KPNA6: variants seen among roughly 807,000 people sequenced by gnomAD.
KPNA6 encodes karyopherin subunit alpha 6.
A neutral mutation model predicts 72.0 loss-of-function variants in KPNA6; 9 were observed. That is an observed-to-expected ratio of 0.13 (90% CI 0.08 to 0.22). KPNA6 has a LOEUF of 0.22. KPNA6 is among the 10% of genes least tolerant of loss of function. KPNA6 has a pLI of 1.00. For synonymous variants in KPNA6, 219 were observed against 242.1 expected (o/e 0.90, Z 0.89); for missense variants, 374 against 655.7 (o/e 0.57, Z 4.69).
chr1:32,153,116 G>A lies in KPNA6; in HGVS notation c.5-1472G>A, dbSNP rs1642066689. Among the ~76,000 whole-genome samples, 3 of 150,720 alleles carry A rather than the reference G, an allele frequency of 2.0e-5. No homozygotes were observed. The South Asian group carries it at 6.3e-4, about 32-fold the overall frequency. ...GTAGAAAGGGGATAGAAATCATATA[G>A]TAGAGAAGACTCAATGAAGCTAAAA... is the stretch of plus-strand genomic sequence containing the variant. On this transcript the variant is annotated intron_variant, in intron 1 of 13. Coordinates refer to ENST00000373625, the MANE Select transcript of KPNA6 (RefSeq NM_012316.5).
intron 5 of KPNA6, 137 bp downstream of exon 5, chr1:32,158,498 G>A (rs2124070798): frequency 3.6e-6 from 2 of 562,574 alleles, no homozygotes; most frequent in Admixed American, 3.3e-5. Flanking sequence ...GGAGAATGGG[G>A]TATCCATTTC....
intron 1 of KPNA6, among the ~76,000 whole-genome samples, chr1:32,108,864 G>A (rs1641194746): frequency 6.6e-6 from 1 of 152,194 alleles, no homozygotes; most frequent in African/African-American, 2.4e-5. Flanking sequence ...AGGGGACTCC[G>A]GCTGGCAAGG....
rs1351279793 is a variant in KPNA6 at position 32,176,343 on chromosome 1, A to G, written c.*5449A>G. ...CAAATTCATTTGCTTTTATTTTTCT[A>G]ATAACAATAAACTCTATTTTCCATG... On this transcript the variant is annotated 3_prime_UTR_variant, in exon 14 of 14. Coordinates refer to ENST00000373625, the MANE Select transcript of KPNA6 (RefSeq NM_012316.5). 6.6e-6 allele frequency: 1 copy of G among 151,988 alleles called. No individual in the cohort carries two copies. Among genetic ancestry groups the G allele is most frequent in the Non-Finnish European group, 1.5e-5 (1 of 68,034 alleles). 9.4% of individuals were successfully genotyped at this position (151,988 alleles called of 1,614,324 possible). A position where few individuals can be genotyped will look rare whatever the true frequency, so the allele number is the denominator to read the frequency against.
chr1:32,119,240 A>G (rs1239751566), intron 1 of KPNA6, among the ~76,000 whole-genome samples: 1 of 151,544 alleles, frequency 6.6e-6, no homozygotes, highest in African/African-American at 2.4e-5. Context: ...CATGTTGACC[A>G]GGCTGGTCTC....
intron 1 of KPNA6, among the ~76,000 whole-genome samples, chr1:32,118,174 T>C (rs1329655590): frequency 6.6e-6 from 1 of 152,134 alleles, no homozygotes; most frequent in East Asian, 1.9e-4. Context: ...TCCTCCCGCC[T>C]CAGCCTCCCA....
chr1:32,112,077 A>G (rs1211541830), intron 1 of KPNA6, among the ~76,000 whole-genome samples: 3 of 152,216 alleles, frequency 2.0e-5, no homozygotes, highest in Non-Finnish European at 4.4e-5. Flanking sequence ...GCATGGGCAT[A>G]TGATGCAGTT....
intron 1 of KPNA6, among the ~76,000 whole-genome samples, chr1:32,132,278 G>A (rs1204336920): frequency 2.6e-5 from 4 of 151,170 alleles, no homozygotes; most frequent in Admixed American, 2.6e-4. Flanking sequence ...GCCCAGTGGT[G>A]TCTTTTAAAG....
At chr1:32,136,555 A>G (rs776349192) in intron 1 of KPNA6, among the ~76,000 whole-genome samples, 1 of 152,178 alleles carries the variant, frequency 6.6e-6, no homozygotes, top group Non-Finnish European at 1.5e-5. Flanking sequence ...ACAATGATGG[A>G]AACCTTAGTA....
Position 32,168,379 on chromosome 1 carries a change from C to T in KPNA6, c.1244+1083C>T, listed in dbSNP as rs116959329. On this transcript the variant is annotated intron_variant, in intron 12 of 13. Coordinates refer to ENST00000373625, the MANE Select transcript of KPNA6 (RefSeq NM_012316.5). Reference sequence around the variant, plus strand: ...TAATTTTTTGTACTTTTAGTAGAAACGGGGTTTCACCATGTTAGCAGGCTG... The same window carrying T: ...TAATTTTTTGTACTTTTAGTAGAAATGGGGTTTCACCATGTTAGCAGGCTG... Among the ~76,000 whole-genome samples, 61 of 152,258 alleles carry T rather than the reference C, an allele frequency of 4.0e-4. 1 individual carries two copies. The East Asian group carries it at 0.01, about 26-fold the overall frequency.
chr1:32,132,335 G>C (rs1284502556), intron 1 of KPNA6, among the ~76,000 whole-genome samples: 1 of 152,126 alleles, frequency 6.6e-6, no homozygotes, highest in African/African-American at 2.4e-5. Context: ...ATCTCACTCT[G>C]TTGCCCAGGC....
rs1158458770 is a variant in KPNA6, at chr1:32,172,999, C to T, written c.*2105C>T. 5 of 398,126 alleles carry T rather than the reference C, an allele frequency of 1.3e-5. No individual in the cohort carries two copies. Among genetic ancestry groups the T allele is most frequent in the Admixed American group, 8.8e-5 (2 of 22,688 alleles). The allele number at this position is 398,126 out of a possible 1,614,324, so 24.7% of individuals were successfully genotyped here. On this transcript the variant is annotated 3_prime_UTR_variant, in exon 14 of 14. Transcript: ENST00000373625. ...ATTTTCTGAGGAGGATGGTTTAGGT[C>T]TGGCAATTGTCCTTGAAAAATCCCA...
chr1:32,154,475 G>A (rs958913121), intron 1 of KPNA6, 113 bp from the exon 2 acceptor site: 8 of 1,107,628 alleles, frequency 7.2e-6, no homozygotes, highest in Non-Finnish European at 9.1e-6. Flanking sequence ...CTCCCAGAGA[G>A]CTGTATTCCC....
At chr1:32,120,210 G>A (rs979352528) in intron 1 of KPNA6, among the ~76,000 whole-genome samples, 1 of 150,938 alleles carries the variant, frequency 6.6e-6, no homozygotes, top group Admixed American at 6.6e-5. Context: ...CGTAGTCTCT[G>A]TATTTTACAA....
chr1:32,138,836 A>C (rs1015693207), intron 1 of KPNA6, among the ~76,000 whole-genome samples: 3 of 152,170 alleles, frequency 2.0e-5, no homozygotes, highest in Admixed American at 2.0e-4. Flanking sequence ...TGAGTGGGTC[A>C]CTGGATTTAA....
intron 12 of KPNA6, among the ~76,000 whole-genome samples, chr1:32,167,858 A>C (rs1006814101): frequency 6.7e-6 from 1 of 148,218 alleles, no homozygotes; most frequent in Non-Finnish European, 1.5e-5. Context: ...TGTCACAAAA[A>C]AAAAAAAAAA....
Position 32,119,013 on chromosome 1 carries a change from TATATATATATA to T in KPNA6, c.4+10880_4+10890del, listed in dbSNP as rs1557457056. 7.0e-4 allele frequency among the ~76,000 whole-genome samples: 53 copies of T among 75,768 alleles called. 1 individual carries two copies. Among genetic ancestry groups the T allele is most frequent in the African/African-American group, 3.3e-3 (53 of 16,008 alleles). 49.7% of individuals were successfully genotyped at this position (75,768 alleles called of 152,430 possible). A position where few individuals can be genotyped will look rare whatever the true frequency, so the allele number is the denominator to read the frequency against. ...GTGTGTATACATATATATATATATA[TATATATATATA>T]TATATATATTTTTTTTTTTTTTTTT... On this transcript the variant is annotated intron_variant, in intron 1 of 13. Coordinates refer to ENST00000373625, the MANE Select transcript of KPNA6 (RefSeq NM_012316.5).
At chr1:32,134,228 G>A (rs1641694213) in intron 1 of KPNA6, among the ~76,000 whole-genome samples, 1 of 149,110 alleles carries the variant, frequency 6.7e-6, no homozygotes, top group African/African-American at 2.5e-5. Flanking sequence ...TTGCGCTCCA[G>A]CCTTGGTGAC....
At chr1:32,151,915 A>T (rs572970747) in intron 1 of KPNA6, among the ~76,000 whole-genome samples, 2 of 152,382 alleles carry the variant, frequency 1.3e-5, no homozygotes, top group South Asian at 4.1e-4. Flanking sequence ...AACAGTTCTA[A>T]ATTTGTATGC....
At chr1:32,139,242 G>A (rs1641795888) in intron 1 of KPNA6, among the ~76,000 whole-genome samples, 1 of 152,086 alleles carries the variant, frequency 6.6e-6, no homozygotes, top group Non-Finnish European at 1.5e-5. Context: ...CAGATGGATT[G>A]GAATTAGTAT....
Sources: allele counts gnomAD v4.1 joint callset (sites outside exome capture counted in the v4.1 genomes callset), GRCh38; gene constraint gnomAD v4.1.1; transcripts MANE v1.5; gene names NCBI Gene and HGNC (gene_info 2026-07-23, HGNC 2026-07-21).